TSPAN11: variants seen among roughly 807,000 people sequenced by gnomAD.
TSPAN11 encodes the protein tetraspanin-11.
TSPAN11 carries 29 observed loss-of-function variants against 32.9 expected under a neutral mutation model. The observed-to-expected ratio is 0.88, with a 90% CI of 0.66 to 1.20. TSPAN11 has a LOEUF of 1.20. Among genes scored for constraint, TSPAN11 ranks in the 50% most tolerant of loss-of-function variants. The pLI is 0.00. For missense variants in TSPAN11, 283 were observed against 329.1 expected (o/e 0.86, Z 1.08); for synonymous variants, 140 against 141.3 (o/e 0.99, Z 0.07).
At chr12:30,977,512 G>A (rs528425543) in intron 3 of TSPAN11, among the ~76,000 whole-genome samples, 1 of 152,184 alleles carries the variant, frequency 6.6e-6, no homozygotes, top group South Asian at 2.1e-4. Context: ...CCCACAGTGG[G>A]GCCAATTTCC....
chr12:31,001,187 C>T (rs114681664), downstream of TSPAN11, among the ~76,000 whole-genome samples: 1,080 of 152,330 alleles, frequency 7.1e-3, 12 homozygotes, highest in African/African-American at 0.025. Flanking sequence ...CAATGAAGCT[C>T]CTTGACCAGG....
intron 3 of TSPAN11, among the ~76,000 whole-genome samples, chr12:30,968,395 C>T (rs963928241): frequency 3.3e-5 from 5 of 152,232 alleles, no homozygotes; most frequent in African/African-American, 9.6e-5. Context: ...AGTCACTTTC[C>T]CAAGAAGGAC....
At chr12:31,014,603 A>AT in the TSPAN11 span, among the ~76,000 whole-genome samples, 1 of 152,298 alleles carries the variant, frequency 6.6e-6, no homozygotes, top group South Asian at 2.1e-4. Flanking sequence ...GGAGTTCAAA[A>AT]TTTTTGTTAG....
chr12:30,990,355 C>A (rs1016576131), intron 7 of TSPAN11, among the ~76,000 whole-genome samples: 5 of 152,178 alleles, frequency 3.3e-5, no homozygotes, highest in Non-Finnish European at 7.3e-5. Context: ...CAGCACAAAC[C>A]TGTGCCGGTC....
intron 1 of TSPAN11, among the ~76,000 whole-genome samples, chr12:30,944,641 A>C (rs1487285051): frequency 6.6e-6 from 1 of 152,264 alleles, no homozygotes; most frequent in Non-Finnish European, 1.5e-5. Context: ...CCATCAACAG[A>C]TGAATGGATA....
chr12:31,000,665 T>C (rs1411971152), downstream of TSPAN11, among the ~76,000 whole-genome samples: 1 of 152,236 alleles, frequency 6.6e-6, no homozygotes, highest in African/African-American at 2.4e-5. Flanking sequence ...AGTTCATGTC[T>C]AACGGTGAAA....
At chr12:30,930,353 AGCTGAGTGCAGACTAAGTG>A (rs1937895549) in intron 1 of TSPAN11, among the ~76,000 whole-genome samples, 1 of 152,168 alleles carries the variant, frequency 6.6e-6, no homozygotes, top group Non-Finnish European at 1.5e-5. Flanking sequence ...ATGAGAAAAC[AGCTGAGTGCAGACTAAGTG>A]GCACTCACCC....
chr12:30,965,960 TTGAA>T (rs1648795541), intron 3 of TSPAN11, among the ~76,000 whole-genome samples: 1 of 152,032 alleles, frequency 6.6e-6, no homozygotes, highest in African/African-American at 2.4e-5. Context: ...CAGGACAGCT[TTGAA>T]TGCGGCCCAA....
intron 1 of TSPAN11, among the ~76,000 whole-genome samples, chr12:30,944,751 T>C (rs1938233292): frequency 6.6e-6 from 1 of 152,238 alleles, no homozygotes. Flanking sequence ...GAAGACATTA[T>C]TTAAAGTGAA....
intron 7 of TSPAN11, among the ~76,000 whole-genome samples, chr12:30,985,798 T>A (rs1939190103): frequency 1.3e-5 from 2 of 152,240 alleles, no homozygotes; most frequent in South Asian, 4.1e-4. Context: ...ACCGCACAGC[T>A]GCATAAGTCT....
intron 2 of TSPAN11, among the ~76,000 whole-genome samples, chr12:30,961,757 G>T (rs756143445): frequency 2.3e-4 from 35 of 152,142 alleles, no homozygotes; most frequent in Admixed American, 9.8e-4. Flanking sequence ...AAGAAGCTGA[G>T]GTCCGGAGAG....
At chr12:30,985,041 T>C (rs1939173808) in intron 7 of TSPAN11, among the ~76,000 whole-genome samples, 1 of 152,086 alleles carries the variant, frequency 6.6e-6, no homozygotes, top group East Asian at 1.9e-4. Flanking sequence ...GGCTTGGAGA[T>C]ACTTCCAGTG....
chr12:30,940,114 A>G (rs778464423), intron 1 of TSPAN11, among the ~76,000 whole-genome samples: 10 of 152,340 alleles, frequency 6.6e-5, no homozygotes, highest in Admixed American at 5.2e-4. Flanking sequence ...AAAGCCATCT[A>G]CACAGAAATG....
At position 30,994,231 on chromosome 12, in the gene TSPAN11, G is replaced by A. The variant is rs756028662; in HGVS notation, c.*2316G>A. ...ACAATGGTTGGAGTCCAGAGCCAAC[G>A]ATGTGGTCCCCAGCGGGGTGTGCCC... On this transcript the variant is annotated 3_prime_UTR_variant, in exon 8 of 8. Transcript: ENST00000546076. 1.3e-5 allele frequency: 2 copies of A among 152,358 alleles called. No individual in the cohort carries two copies. The highest frequency in any genetic ancestry group is 6.5e-5 in the Admixed American group (1 of 15,282). The allele number at this position is 152,358 out of a possible 1,614,324, so 9.4% of individuals were successfully genotyped here.
chr12:30,980,061 C>G (rs1366088232), intron 5 of TSPAN11, among the ~76,000 whole-genome samples: 1 of 152,236 alleles, frequency 6.6e-6, no homozygotes, highest in South Asian at 2.1e-4. Context: ...TTCCTCCTTC[C>G]CCGGGGAGCT....
chr12:30,976,815 C>G (rs1228559226), intron 3 of TSPAN11, among the ~76,000 whole-genome samples: 1 of 152,220 alleles, frequency 6.6e-6, no homozygotes, highest in East Asian at 1.9e-4. Context: ...GTGCCCCTAG[C>G]CTGCACCACA....
chr12:30,980,288 G>A (rs1234986310), intron 5 of TSPAN11, among the ~76,000 whole-genome samples: 5 of 152,268 alleles, frequency 3.3e-5, no homozygotes, highest in East Asian at 1.9e-4. Flanking sequence ...TGTTCAATAC[G>A]GTAGTCACCA....
rs751919814 is a variant in TSPAN11, at chr12:30,979,555, AC to A, written c.352-8del. ...TCCCGCTGATGGGGACTTCGCTCCT[AC>A]CCTCCTCAGCTGAGTGATGAACTGA... On this transcript the variant is annotated splice_polypyrimidine_tract_variant and intron_variant, in intron 4 of 7. Transcript: ENST00000546076. The A allele has an allele frequency of 3.7e-5, 59 of 1,613,706 alleles. 1 individual carries two copies. In the Admixed American group the frequency reaches 7.7e-4, roughly 21 times the overall value.
At chr12:30,969,876 C>T (rs975018513) in intron 3 of TSPAN11, among the ~76,000 whole-genome samples, 4 of 152,282 alleles carry the variant, frequency 2.6e-5, no homozygotes, top group African/African-American at 9.6e-5. Flanking sequence ...GAACATGAGG[C>T]GCCTGTATTA....
Sources: gnomAD v4.1 joint callset for allele counts (sites outside exome capture counted in the v4.1 genomes callset) on GRCh38, gnomAD v4.1.1 for gene constraint, MANE v1.5 for transcripts, NCBI Gene and HGNC (gene_info 2026-07-23, HGNC 2026-07-21) for gene names.